The following KIF6 variants were observed in gnomAD, a reference collection of about 807,000 sequenced individuals.
The protein encoded by KIF6 is kinesin-like protein KIF6.
Under a neutral mutation model 112.7 loss-of-function variants are expected in KIF6, and 106 were observed. The observed-to-expected ratio is 0.94, with a 90% CI of 0.80 to 1.11. The LOEUF (loss-of-function observed/expected upper bound fraction) is 1.11. Among genes scored for constraint, KIF6 ranks in the 50% least tolerant of loss-of-function variants. The probability of loss-of-function intolerance (pLI) is 0.00; values close to 1 mark genes in which losing one functional copy is unlikely to be tolerated. For missense variants in KIF6, 929 were observed against 964.0 expected (o/e 0.96, Z 0.48); for synonymous variants, 339 against 339.9 (o/e 1.00, Z 0.03).
chr6:39,674,209 T>C (rs1787001138), intron 3 of KIF6, among the ~76,000 whole-genome samples: 1 of 152,208 alleles, frequency 6.6e-6, no homozygotes. Context: ...CAATAAATTA[T>C]ACAGAGAAGA....
At chr6:39,443,518 A>G (rs958409024) in intron 13 of KIF6, among the ~76,000 whole-genome samples, 3 of 152,118 alleles carry the variant, frequency 2.0e-5, no homozygotes, top group Admixed American at 6.5e-5. Flanking sequence ...ATCTTGGCTC[A>G]CTGCAACCTT....
intron 3 of KIF6, among the ~76,000 whole-genome samples, chr6:39,647,512 A>G (rs1266411460): frequency 6.6e-6 from 1 of 152,090 alleles, no homozygotes; most frequent in Non-Finnish European, 1.5e-5. Context: ...GACATGACTC[A>G]AGCCGAGCAA....
chr6:39,523,167 C>T (rs1278124338), intron 13 of KIF6, among the ~76,000 whole-genome samples: 1 of 152,108 alleles, frequency 6.6e-6, no homozygotes, highest in East Asian at 1.9e-4. Context: ...ATCTTACCTC[C>T]ATTCTAATCA....
intron 13 of KIF6, among the ~76,000 whole-genome samples, chr6:39,432,926 C>G (rs914640751): frequency 6.6e-6 from 1 of 152,106 alleles, no homozygotes; most frequent in Non-Finnish European, 1.5e-5. Flanking sequence ...AATTGCTCCC[C>G]CCCGCAGGGG....
chr6:39,406,677 A>C (rs1769109239), intron 15 of KIF6, among the ~76,000 whole-genome samples: 1 of 152,144 alleles, frequency 6.6e-6, no homozygotes, highest in Non-Finnish European at 1.5e-5. Context: ...CTTTAGTTCA[A>C]AATATTTCTA....
At chr6:39,450,369 G>C (rs1358437698) in intron 13 of KIF6, among the ~76,000 whole-genome samples, 1 of 152,176 alleles carries the variant, frequency 6.6e-6, no homozygotes, top group Admixed American at 6.5e-5. Context: ...GGATATAGTC[G>C]ATACGGAAGG....
chr6:39,424,302 C>G (rs1437779097), intron 14 of KIF6, among the ~76,000 whole-genome samples: 1 of 152,116 alleles, frequency 6.6e-6, no homozygotes, highest in Non-Finnish European at 1.5e-5. Context: ...ATACATGACA[C>G]CCCCAGGTGC....
At chr6:39,337,091 C>A (rs929079571) in intron 22 of KIF6, among the ~76,000 whole-genome samples, 1 of 120,092 alleles carries the variant, frequency 8.3e-6, no homozygotes, top group Non-Finnish European at 1.6e-5. Flanking sequence ...TTCCTTCTTT[C>A]CTTTCTTTCT....
chr6:39,719,444 C>CT (rs1224445103), intron 2 of KIF6, among the ~76,000 whole-genome samples: 2 of 152,080 alleles, frequency 1.3e-5, no homozygotes, highest in Non-Finnish European at 2.9e-5. Flanking sequence ...GTAAAACAGT[C>CT]TAGAGATACA....
chr6:39,678,229 T>C (rs1787292903), intron 3 of KIF6, among the ~76,000 whole-genome samples: 1 of 151,950 alleles, frequency 6.6e-6, no homozygotes, highest in South Asian at 2.1e-4. Context: ...TCAACCATTG[T>C]GGAAGTCAGT....
chr6:39,600,696 T>C (rs1448181091), intron 6 of KIF6, among the ~76,000 whole-genome samples: 5 of 152,132 alleles, frequency 3.3e-5, no homozygotes, highest in African/African-American at 1.2e-4. Flanking sequence ...AATAGGTGTG[T>C]CCTAAGCTAT....
chr6:39,490,363 T>C (rs548974604), intron 13 of KIF6, among the ~76,000 whole-genome samples: 1 of 152,290 alleles, frequency 6.6e-6, no homozygotes, highest in South Asian at 2.1e-4. Context: ...AAAGTGTGAG[T>C]TATCACATTA....
At chr6:39,370,239 C>A (rs1765864879) in intron 16 of KIF6, among the ~76,000 whole-genome samples, 1 of 152,160 alleles carries the variant, frequency 6.6e-6, no homozygotes, top group Non-Finnish European at 1.5e-5. Flanking sequence ...TGCACTGGAC[C>A]AGCCAGGGGG....
At chr6:39,486,268 T>C (rs972120316) in intron 13 of KIF6, among the ~76,000 whole-genome samples, 2 of 152,168 alleles carry the variant, frequency 1.3e-5, no homozygotes, top group African/African-American at 4.8e-5. Flanking sequence ...TCCATGTAAA[T>C]GGTCTGACTA....
intron 21 of KIF6, 126 bp downstream of exon 21, chr6:39,345,574 G>T: frequency 1.4e-6 from 1 of 698,548 alleles, no homozygotes; most frequent in Non-Finnish European, 2.4e-6. Context: ...CAGGGCAGAG[G>T]CCAGACCTGG....
In KIF6 at chr6:39,608,233, A is replaced by G. The variant is rs188740945; in HGVS notation, c.639+4956T>C. On this transcript the variant is annotated intron_variant, in intron 6 of 22. Coordinates refer to ENST00000287152, the MANE Select transcript of KIF6 (RefSeq NM_145027.6). ...ATCTAGTACACATGCTCCACGGTTT[A>G]TGACATGGGGTTATGTTCCCACAAA... 2.3e-4 allele frequency among the ~76,000 whole-genome samples: 35 copies of G among 152,340 alleles called. No individual in the cohort carries two copies. In the East Asian group the frequency reaches 6.6e-3, roughly 29 times the overall value.
At position 39,345,767 on chromosome 6, in the gene KIF6, G is replaced by A. The variant is rs200351411; in HGVS notation, c.2254C>T (p.Leu752=). The A allele has an allele frequency of 8.9e-5, 144 of 1,613,920 alleles. No homozygotes were observed. In the East Asian group the frequency reaches 3.0e-3, roughly 34 times the overall value. The change falls in exon 21 of 23, where the codon CTG becomes TTG. Residue 752 remains leucine, a synonymous_variant. Transcript: ENST00000287152. Reference sequence around the variant, plus strand: ...TGTGGACTGGGGCAAGGCGAGGGCAGGATTTTCCTGGCATTCACATCACTG... The same window carrying A: ...TGTGGACTGGGGCAAGGCGAGGGCAAGATTTTCCTGGCATTCACATCACTG... The part of the protein sequence containing the change: ...DVCDVNARKI[L]PSPCPSPHSQ...
At chr6:39,346,132 C>CCTCTCTCTCTCTCTCTCTCT (rs779814201) in intron 20 of KIF6, among the ~76,000 whole-genome samples, 13 of 26,928 alleles carry the variant, frequency 4.8e-4, no homozygotes, top group African/African-American at 1.3e-3. Context: ...CCTCCCTCTC[C>CCTCTCTCTCTCTCTCTCTCT]CTCTCTCTCT....
chr6:39,409,547 C>A (rs1769332908), intron 15 of KIF6, among the ~76,000 whole-genome samples: 1 of 152,228 alleles, frequency 6.6e-6, no homozygotes, highest in Non-Finnish European at 1.5e-5. Context: ...GTTTCACTAT[C>A]TCCTCTGAAG....
Sources: gnomAD v4.1 joint callset for allele counts (sites outside exome capture counted in the v4.1 genomes callset) on GRCh38, gnomAD v4.1.1 for gene constraint, MANE v1.5 for transcripts, NCBI Gene and HGNC (gene_info 2026-07-23, HGNC 2026-07-21) for gene names.